Variants in CASP8 observed in about 807,000 individuals in gnomAD.
CASP8 encodes caspase-8.
A neutral mutation model predicts 46.3 loss-of-function variants in CASP8; 24 were observed. That is an observed-to-expected ratio of 0.52 (90% CI 0.38 to 0.73). CASP8 has a LOEUF of 0.73. CASP8 is among the 30% of genes least tolerant of loss of function. The probability of loss-of-function intolerance (pLI) is 0.00; values close to 1 mark genes in which losing one functional copy is unlikely to be tolerated. For synonymous variants in CASP8, 188 were observed against 200.4 expected (o/e 0.94, Z 0.52); for missense variants, 460 against 559.0 (o/e 0.82, Z 1.79).
At chr2:201,255,244 T>A (rs534764937) in intron 2 of CASP8, among the ~76,000 whole-genome samples, 3 of 152,030 alleles carry the variant, frequency 2.0e-5, no homozygotes, top group Non-Finnish European at 2.9e-5. Context: ...CCCAACTAAT[T>A]TTTTTGTATT....
At chr2:201,236,888 G>T (rs1946072309) in intron 2 of CASP8, among the ~76,000 whole-genome samples, 1 of 152,170 alleles carries the variant, frequency 6.6e-6, no homozygotes, top group Admixed American at 6.5e-5. Context: ...TGACAGGCGT[G>T]GGCCACTGTG....
intron 2 of CASP8, among the ~76,000 whole-genome samples, chr2:201,253,621 G>A (rs1946885328): frequency 6.6e-6 from 1 of 151,974 alleles, no homozygotes; most frequent in South Asian, 2.1e-4. Flanking sequence ...CTTAAAACTG[G>A]TTACAATGGT....
At chr2:201,258,417 G>C, upstream of CASP8, 1 of 1,613,144 alleles carries the variant, frequency 6.2e-7, no homozygotes, top group South Asian at 1.1e-5. Context: ...CTCTTCAACA[G>C]GAAACCACAA....
In CASP8 at chr2:201,233,813, T is replaced by G. The variant is rs547358989; in HGVS notation, c.-123-203T>G. ...TACTGAAGTCTAGGCTGGTTCCACC[T>G]CTCCGGACTGCTTTCCAGGGAGTAG... On this transcript the variant is annotated intron_variant, in intron 1 of 6. Transcript: ENST00000264274. Among the ~76,000 whole-genome samples the G allele has an allele frequency of 2.0e-5, 3 of 152,324 alleles. No homozygotes were observed. The South Asian group carries it at 6.2e-4, about 32-fold the overall frequency.
intron 2 of CASP8, among the ~76,000 whole-genome samples, chr2:201,267,564 C>T (rs1947910480): frequency 6.6e-6 from 1 of 152,154 alleles, no homozygotes; most frequent in South Asian, 2.1e-4. Context: ...CTTCTCCCCA[C>T]CCTAGGGAGA....
At chr2:201,240,679 A>G (rs1325250963) in intron 2 of CASP8, 1 of 152,234 alleles carries the variant, frequency 6.6e-6, no homozygotes, top group Non-Finnish European at 1.5e-5. Flanking sequence ...GACCAAATGG[A>G]CCGAACAGAA....
At chr2:201,246,478 A>G (rs1457734502) in intron 2 of CASP8, among the ~76,000 whole-genome samples, 1 of 152,190 alleles carries the variant, frequency 6.6e-6, no homozygotes, top group African/African-American at 2.4e-5. Context: ...GAAAAATAAG[A>G]TGAGAACTTG....
At chr2:201,275,018 T>C in intron 6 of CASP8, 65 bp downstream of exon 6, 2 of 488,522 alleles carry the variant, frequency 4.1e-6, no homozygotes, top group Non-Finnish European at 3.1e-6. Context: ...TTTGTTAGCT[T>C]TTTTTTTTTT....
At chr2:201,274,738 A>G in intron 5 of CASP8, 151 bp from the exon 6 acceptor site, 1 of 669,422 alleles carries the variant, frequency 1.5e-6, no homozygotes, top group South Asian at 1.8e-5. Context: ...TGGCCTCCCA[A>G]AGTGCTGGGA....
intron 2 of CASP8, among the ~76,000 whole-genome samples, chr2:201,271,003 C>T (rs569216384): frequency 7.9e-5 from 12 of 152,216 alleles, no homozygotes; most frequent in African/African-American, 2.9e-4. Context: ...GAGGGCAGGG[C>T]AGCTGGGTGT....
upstream of CASP8, among the ~76,000 whole-genome samples, chr2:201,259,497 A>G (rs1329635186): frequency 6.6e-6 from 1 of 152,162 alleles, no homozygotes; most frequent in Non-Finnish European, 1.5e-5. Flanking sequence ...TTATGAGGCC[A>G]TCTTGACCTA....
chr2:201,250,786 C>CTAAA (rs1946743662), intron 2 of CASP8, among the ~76,000 whole-genome samples: 1 of 152,244 alleles, frequency 6.6e-6, no homozygotes, highest in South Asian at 2.1e-4. Flanking sequence ...TTATTCTGAA[C>CTAAA]TAAAGTTCCA....
chr2:201,264,283 G>T (rs969061990), intron 1 of CASP8, among the ~76,000 whole-genome samples: 1 of 152,172 alleles, frequency 6.6e-6, no homozygotes, highest in South Asian at 2.1e-4. Context: ...ACTTGTTTAA[G>T]TGAATGTAGG....
chr2:201,234,644 TG>T (rs34686938), intron 2 of CASP8, among the ~76,000 whole-genome samples: 12 of 151,386 alleles, frequency 7.9e-5, no homozygotes, highest in African/African-American at 1.9e-4. Context: ...TTAGTAGAGA[TG>T]GGGGGGTCTC....
intron 7 of CASP8, among the ~76,000 whole-genome samples, chr2:201,279,307 C>T (rs560551778): frequency 3.1e-4 from 47 of 152,312 alleles, no homozygotes; most frequent in Admixed American, 5.2e-4. Flanking sequence ...CTTCGGTGTG[C>T]CAGGCCCAGC....
In CASP8 at chr2:201,274,397, C is replaced by T. The variant is rs143771076; in HGVS notation, c.596-492C>T. ...CAACTTGATCTTGTGTTTCCAGAAG[C>T]ATGTTAATTGCCCTGCTTGCAGAAT... On this transcript the variant is annotated intron_variant, in intron 5 of 8. Coordinates refer to ENST00000673742, the MANE Select transcript of CASP8 (RefSeq NM_001372051.1). Among the ~76,000 whole-genome samples the T allele has an allele frequency of 2.1e-4, 32 of 152,274 alleles. No homozygotes were observed. In the East Asian group the frequency reaches 6.0e-3, roughly 28 times the overall value.
intron 2 of CASP8, among the ~76,000 whole-genome samples, chr2:201,236,176 GTCCTCCTGCCCCTCCCCACCCCTGC>G (rs1576173789): frequency 6.6e-6 from 1 of 152,114 alleles, no homozygotes; most frequent in Non-Finnish European, 1.5e-5. Context: ...CTTGAATCCT[GTCCTCCTGCCCCTCCCCACCCCTGC>G]TCCTTTTAGG....
chr2:201,285,606 G>A (rs985822141), intron 8 of CASP8, among the ~76,000 whole-genome samples: 11 of 152,154 alleles, frequency 7.2e-5, no homozygotes, highest in African/African-American at 2.4e-4. Flanking sequence ...CCTTTATTCA[G>A]CACCTCAAAG....
chr2:201,251,478 C>T (rs577107429), intron 2 of CASP8, among the ~76,000 whole-genome samples: 163 of 151,684 alleles, frequency 1.1e-3, no homozygotes, highest in African/African-American at 3.8e-3. Flanking sequence ...GCCTGTAATC[C>T]CAGCTACTCA....
Sources: gnomAD v4.1 joint callset for allele counts (sites outside exome capture counted in the v4.1 genomes callset) on GRCh38, gnomAD v4.1.1 for gene constraint, MANE v1.5 for transcripts, NCBI Gene and HGNC (gene_info 2026-07-23, HGNC 2026-07-21) for gene names.